SDCCAG8: variants seen among roughly 807,000 people sequenced by gnomAD.
SDCCAG8 encodes the protein serologically defined colon cancer antigen 8.
In SDCCAG8, 74 loss-of-function variants were observed where a neutral mutation model predicts 101.8. The observed-to-expected ratio is 0.73, with a 90% CI of 0.60 to 0.88. The LOEUF (loss-of-function observed/expected upper bound fraction) is 0.88. SDCCAG8 is among the 40% of genes least tolerant of loss of function. SDCCAG8 has a pLI of 0.00. For synonymous variants in SDCCAG8, 281 were observed against 292.9 expected (o/e 0.96, Z 0.41); for missense variants, 787 against 822.6 (o/e 0.96, Z 0.53).
At chr1:243,386,353 T>G (rs1435959716) in intron 13 of SDCCAG8, among the ~76,000 whole-genome samples, 1 of 152,196 alleles carries the variant, frequency 6.6e-6, no homozygotes, top group Admixed American at 6.5e-5. Context: ...ATGCAGTTGT[T>G]CTGAAAAAGA....
chr1:243,456,437 G>A (rs1291656529), intron 16 of SDCCAG8, among the ~76,000 whole-genome samples: 2 of 152,140 alleles, frequency 1.3e-5, no homozygotes, highest in Non-Finnish European at 2.9e-5. Flanking sequence ...GACAAATTTG[G>A]AGATGTAGTG....
At chr1:243,405,953 A>G (rs1243659609) in intron 13 of SDCCAG8, among the ~76,000 whole-genome samples, 1 of 152,146 alleles carries the variant, frequency 6.6e-6, no homozygotes, top group East Asian at 1.9e-4. Flanking sequence ...AGAATAGAAT[A>G]GAAACTGTTA....
rs143216278 is a variant in SDCCAG8 at position 243,429,764 on chromosome 1, C to T, written c.1985+3206C>T. On this transcript the variant is annotated intron_variant, in intron 16 of 17. Transcript: ENST00000366541. The stretch of plus-strand genomic sequence containing the variant: ...TCGCCCAGGGTGGAGTGCAGTAGCG[C>T]GATCTCGGCTCACTGCAACCTCCGC... Among the ~76,000 whole-genome samples the T allele has an allele frequency of 7.7e-4, 111 of 143,478 alleles. 1 individual carries two copies. Among genetic ancestry groups the T allele is most frequent in the African/African-American group, 2.8e-3 (107 of 38,240 alleles). 94.1% of individuals were successfully genotyped at this position (143,478 alleles called of 152,430 possible). A position where few individuals can be genotyped will look rare whatever the true frequency, so the allele number is the denominator to read the frequency against.
chr1:243,498,313 T>G (rs1423037106), intron 17 of SDCCAG8, among the ~76,000 whole-genome samples: 2 of 152,234 alleles, frequency 1.3e-5, no homozygotes, highest in Non-Finnish European at 2.9e-5. Flanking sequence ...GGCAGGGCTC[T>G]AGGGCATAGT....
chr1:243,269,019 CT>C, intron 1 of SDCCAG8: 1 of 152,916 alleles, frequency 6.5e-6, no homozygotes, highest in Non-Finnish European at 1.5e-5. Context: ...GCGGGGAGGG[CT>C]TTTCTCTTTC....
At chr1:243,351,744 C>G (rs1390972871) in intron 12 of SDCCAG8, among the ~76,000 whole-genome samples, 4 of 152,156 alleles carry the variant, frequency 2.6e-5, no homozygotes, top group Non-Finnish European at 5.9e-5. Context: ...TTGGATTATA[C>G]AAATAATTTA....
intron 16 of SDCCAG8, among the ~76,000 whole-genome samples, chr1:243,466,098 T>C (rs1660091629): frequency 6.6e-6 from 1 of 152,226 alleles, no homozygotes; most frequent in African/African-American, 2.4e-5. Flanking sequence ...TTTGCTCCTG[T>C]ATTCAACTGG....
chr1:243,436,941 G>C (rs1033363671), intron 16 of SDCCAG8, among the ~76,000 whole-genome samples: 36 of 151,972 alleles, frequency 2.4e-4, no homozygotes, highest in African/African-American at 8.7e-4. Context: ...TATATCAGAG[G>C]GGAAAAAAGG....
chr1:243,491,403 G>A (rs1341453766), intron 17 of SDCCAG8, among the ~76,000 whole-genome samples: 2 of 152,170 alleles, frequency 1.3e-5, no homozygotes, highest in Non-Finnish European at 2.9e-5. Context: ...CATCTCTAAA[G>A]CGGCCTTTCA....
Position 243,458,968 on chromosome 1 carries a change from G to C in SDCCAG8, c.1986-30046G>C, listed in dbSNP as rs1574159527. 8.5e-6 allele frequency among the ~76,000 whole-genome samples: 1 copy of C among 117,264 alleles called. No individual in the cohort carries two copies. The allele number at this position is 117,264 out of a possible 152,430, so 76.9% of individuals were successfully genotyped here. On this transcript the variant is annotated intron_variant, in intron 16 of 17. Transcript: ENST00000366541. This position sits in a 1 kb window ranked among gnomAD's most constrained non-coding sequence, Gnocchi z 4.5. ...TGTTCTGATAGATGGAGAAAAATGT[G>C]GTGGAGATAGTAAAATATTACCAGT...
intron 4 of SDCCAG8, among the ~76,000 whole-genome samples, chr1:243,280,614 G>C (rs1020070740): frequency 6.6e-6 from 1 of 151,954 alleles, no homozygotes; most frequent in Non-Finnish European, 1.5e-5. Flanking sequence ...CTTTTTATCA[G>C]TTGTATTTTA....
In SDCCAG8 at chr1:243,293,433, G is replaced by A. The variant is rs547481993; in HGVS notation, c.675+214G>A. On this transcript the variant is annotated intron_variant, in intron 6 of 17. Transcript: ENST00000366541. ...ATCATCTCAAACAAAAAGTCTGGAC[G>A]TATTAAACAATATCTCCATTCCCCT... is the stretch of plus-strand genomic sequence containing the variant. 1.5e-5 allele frequency: 10 copies of A among 678,844 alleles called. No homozygotes were observed. The highest frequency in any genetic ancestry group is 4.5e-5 in the South Asian group (3 of 66,688). The allele number at this position is 678,844 out of a possible 1,614,324, so 42.1% of individuals were successfully genotyped here. A position where few individuals can be genotyped will look rare whatever the true frequency, so the allele number is the denominator to read the frequency against.
intron 1 of SDCCAG8, chr1:243,267,762 C>T (rs938895106): frequency 1.2e-6 from 1 of 801,180 alleles, no homozygotes; most frequent in Non-Finnish European, 2.3e-6. Context: ...ATCCTTAGAG[C>T]CACTCAATAC....
At chr1:243,265,097 C>T (rs1447313176) in intron 1 of SDCCAG8, among the ~76,000 whole-genome samples, 2 of 152,156 alleles carry the variant, frequency 1.3e-5, no homozygotes, top group Non-Finnish European at 2.9e-5. Flanking sequence ...AGTTGAAGAG[C>T]CATGGGATTT....
chr1:243,426,640 A>G (rs2081361179), intron 16 of SDCCAG8, 82 bp downstream of exon 16: 1 of 1,531,056 alleles, frequency 6.5e-7, no homozygotes, highest in Non-Finnish European at 9.0e-7. Context: ...GCTGCGGAAT[A>G]AGTAGAATTC....
rs535781916 is a variant in SDCCAG8, at chr1:243,301,111, C to T, written c.676-3602C>T. 3.5e-4 allele frequency among the ~76,000 whole-genome samples: 53 copies of T among 152,124 alleles called. No homozygotes were observed. The South Asian group carries it at 6.8e-3, about 20-fold the overall frequency. On this transcript the variant is annotated intron_variant, in intron 6 of 17. Coordinates refer to ENST00000366541, the MANE Select transcript of SDCCAG8 (RefSeq NM_006642.5). The stretch of plus-strand genomic sequence containing the variant: ...TATGTACACTATCACAGACTGTACA[C>T]GGAGTCATTCTCAGGAGGAATGCAA...
chr1:243,490,503 CAG>C (rs1666141384), intron 17 of SDCCAG8, among the ~76,000 whole-genome samples: 1 of 152,244 alleles, frequency 6.6e-6, no homozygotes, highest in Non-Finnish European at 1.5e-5. Context: ...CTGGAAAGAA[CAG>C]AGAATTATTC....
chr1:243,346,017 T>C lies in SDCCAG8; in HGVS notation c.1473+1686T>C, dbSNP rs533431060. ...ATAAAACCTCTGAACAGTTACAAGA[T>C]GTTTGTGATGTGTTGTGAAGTGATG... On this transcript the variant is annotated intron_variant, in intron 12 of 17. Transcript: ENST00000366541. Among the ~76,000 whole-genome samples the C allele has an allele frequency of 6.6e-5, 10 of 152,328 alleles. No homozygotes were observed. The South Asian group carries it at 1.7e-3, about 25-fold the overall frequency.
intron 16 of SDCCAG8, among the ~76,000 whole-genome samples, chr1:243,442,110 G>A (rs2082576586): frequency 6.6e-6 from 1 of 152,114 alleles, no homozygotes; most frequent in South Asian, 2.1e-4. Context: ...GGTTAATAAT[G>A]AGGTGTACAT....
Sources: allele counts gnomAD v4.1 joint callset (sites outside exome capture counted in the v4.1 genomes callset), GRCh38; gene constraint gnomAD v4.1.1; non-coding constraint Gnocchi (gnomAD v3.1); transcripts MANE v1.5; gene names NCBI Gene and HGNC (gene_info 2026-07-23, HGNC 2026-07-21).